The following PCNX3 variants were observed in gnomAD, a reference collection of about 807,000 sequenced individuals.
PCNX3 encodes the protein pecanex 3, also known as pecanex-like protein 3.
PCNX3 carries 58 observed loss-of-function variants against 207.2 expected under a neutral mutation model. That is an observed-to-expected ratio of 0.28 (90% CI 0.23 to 0.35). The LOEUF (loss-of-function observed/expected upper bound fraction) is 0.35, where lower values mean the gene tolerates loss of function less well. Among genes scored for constraint, PCNX3 ranks in the 10% least tolerant of loss-of-function variants. PCNX3 has a pLI of 1.00. For missense variants in PCNX3, 2,410 were observed against 2,774.4 expected (o/e 0.87, Z 2.95); for synonymous variants, 1,337 against 1,183.5 (o/e 1.13, Z -2.66).
chr11:65,620,780 C>G (rs1233958024), intron 9 of PCNX3, 51 bp from the exon 10 acceptor site: 1 of 1,571,840 alleles, frequency 6.4e-7, no homozygotes, highest in East Asian at 2.4e-5. Flanking sequence ...CGACCCCACC[C>G]AGCCCCAGGG....
Position 65,619,646 on chromosome 11 carries a change from G to A in PCNX3, c.1815G>A (p.Met605Ile). ...ACCCCACCCCTCCAGCCTCTGTCAT[G>A]GGCTCGCCGCCCAGGTGAGCACCTT... ...GSNPTPPASV[M>I]GSPPSSLQEA... Residue 605 changes from methionine (M) to isoleucine (I), a missense_variant, in exon 7 of 35, where the codon ATG becomes ATA. By Grantham distance (10) the Met-to-Ile change is conservative (BLOSUM62 1). This residue lies in a region of PCNX3 where 1,104 missense variants were observed against 970.3 expected (regional missense o/e 1.14). Coordinates refer to ENST00000355703, the MANE Select transcript of PCNX3 (RefSeq NM_032223.4). The A allele has an allele frequency of 6.3e-7, 1 of 1,599,642 alleles. No individual in the cohort carries two copies.
At chr11:65,628,764 G>T (rs1029064306) in intron 23 of PCNX3, 55 bp from the exon 24 acceptor site, 8 of 1,600,988 alleles carry the variant, frequency 5.0e-6, no homozygotes, top group South Asian at 1.1e-5. Context: ...GGCAGTGGGG[G>T]GTGGTGGGGG....
chr11:65,622,268 G>A lies in PCNX3; in HGVS notation c.2259G>A (p.Ala753=), dbSNP rs375228648. ...IPEEQTLMEE[A]PPRAQHSYKY... is the part of the protein sequence containing the mutation. Reference sequence around the variant, plus strand: ...AGGAGCAGACACTGATGGAAGAAGCGCCACCCCGGGCCCAGCATAGTTACA... The same window carrying A: ...AGGAGCAGACACTGATGGAAGAAGCACCACCCCGGGCCCAGCATAGTTACA... Residue 753 remains alanine, a synonymous_variant, in exon 11 of 35, where the codon GCG becomes GCA. Transcript: ENST00000355703. The A allele has an allele frequency of 5.1e-5, 82 of 1,602,020 alleles. No individual in the cohort carries two copies. The highest frequency in any genetic ancestry group is 3.7e-4 in the African/African-American group (28 of 74,724).
Position 65,630,452 on chromosome 11 carries a change from TCCTTCAATGCTG to T in PCNX3, c.4323_4334del (p.Asn1442_Phe1445del). ...ACCTGGCCACCTGCCACGGGTCCTG[TCCTTCAATGCTG>T]CCTTTGGGCAGCGCTGGCTGGCTTG... On this transcript the variant is annotated inframe_deletion, in exon 27 of 35. Coordinates refer to ENST00000355703, the MANE Select transcript of PCNX3 (RefSeq NM_032223.4). 6.2e-7 allele frequency: 1 copy of T among 1,613,658 alleles called. No homozygotes were observed. Among genetic ancestry groups the T allele is most frequent in the Non-Finnish European group, 8.5e-7 (1 of 1,179,894 alleles).
At chr11:65,632,456 G>A (rs539664363) in intron 27 of PCNX3, among the ~76,000 whole-genome samples, 2 of 149,888 alleles carry the variant, frequency 1.3e-5, no homozygotes, top group East Asian at 4.0e-4. Context: ...GAGTTACTGG[G>A]CTCTCAGACC....
In PCNX3 at chr11:65,618,675, C is replaced by T. The variant is rs766222339; in HGVS notation, c.1313C>T (p.Ser438Leu). ...SELSPASSLR[S>L]QRRYSTDSSS... ...CTGAGCCCGGCCTCCAGTCTCCGATCGCAGCGCCGCTACAGTACTGACAGC... is the reference window on the plus strand; with the variant it reads ...CTGAGCCCGGCCTCCAGTCTCCGATTGCAGCGCCGCTACAGTACTGACAGC... The change falls in exon 6 of 35, where the codon TCG becomes TTG. Residue 438 changes from serine (S) to leucine (L), a missense_variant. Around this residue, in one of 8 missense-constraint regions of PCNX3, gnomAD observed 1,104 missense variants for 970.3 expected, o/e 1.14. Coordinates refer to ENST00000355703, the MANE Select transcript of PCNX3 (RefSeq NM_032223.4). 2.5e-5 allele frequency: 40 copies of T among 1,613,336 alleles called. No homozygotes were observed. The highest frequency in any genetic ancestry group is 1.6e-4 in the Middle Eastern group (1 of 6,062).
chr11:65,624,777 C>A, intron 15 of PCNX3, 148 bp from the exon 16 acceptor site: 2 of 951,498 alleles, frequency 2.1e-6, no homozygotes, highest in Non-Finnish European at 3.1e-6. Context: ...GCTCTAAAGG[C>A]CGCTTGGGGC....
chr11:65,618,634 T>C lies in PCNX3; in HGVS notation c.1272T>C (p.Thr424=), dbSNP rs373258038. 4 of 1,612,910 alleles carry C rather than the reference T, an allele frequency of 2.5e-6. No individual in the cohort carries two copies. Among genetic ancestry groups the C allele is most frequent in the Non-Finnish European group, 2.5e-6 (3 of 1,179,804 alleles). The change falls in exon 6 of 35, where the codon ACT becomes ACC. Residue 424 remains threonine, a synonymous_variant. Transcript: ENST00000355703. ...GGGGCTTCTTTGAGGATGAAGACACTAGTGAGGGCAGTGAACTGAGCCCGG... is the reference window on the plus strand; with the variant it reads ...GGGGCTTCTTTGAGGATGAAGACACCAGTGAGGGCAGTGAACTGAGCCCGG... ...EGGGFFEDED[T]SEGSELSPAS...
chr11:65,618,623 G>T lies in PCNX3; in HGVS notation c.1261G>T (p.Asp421Tyr), dbSNP rs1165193784. ...PLLEGGGFFE[D>Y]EDTSEGSELS... is the part of the protein sequence containing the mutation. The stretch of plus-strand genomic sequence containing the variant: ...GCTTGAAGGTGGGGGCTTCTTTGAG[G>T]ATGAAGACACTAGTGAGGGCAGTGA... Residue 421 changes from aspartate to tyrosine, a missense_variant, in exon 6 of 35, where the codon GAT becomes TAT. Coordinates refer to ENST00000355703, the MANE Select transcript of PCNX3 (RefSeq NM_032223.4). 1 of 1,612,838 alleles carries T rather than the reference G, an allele frequency of 6.2e-7. No individual in the cohort carries two copies.
Position 65,631,337 on chromosome 11 carries a change from T to C in PCNX3, c.4470+733T>C, listed in dbSNP as rs568140102. 4.6e-5 allele frequency among the ~76,000 whole-genome samples: 7 copies of C among 152,272 alleles called. No individual in the cohort carries two copies. The South Asian group carries it at 1.5e-3, about 32-fold the overall frequency. On this transcript the variant is annotated intron_variant, in intron 27 of 34. Transcript: ENST00000355703. ...AGCTTACCCCTTGAGAAGTGGGGGT[T>C]ATTGCAGTTCTCTGAGATGGCAGAA...
In PCNX3 at chr11:65,619,418, G is replaced by A; in HGVS notation, c.1706-119G>A. 4 of 1,468,968 alleles carry A rather than the reference G, an allele frequency of 2.7e-6. No homozygotes were observed. In the South Asian group the frequency reaches 5.4e-5, roughly 20 times the overall value. The allele number at this position is 1,468,968 out of a possible 1,614,324, so 91.0% of individuals were successfully genotyped here. A position where few individuals can be genotyped will look rare whatever the true frequency, so the allele number is the denominator to read the frequency against. The stretch of plus-strand genomic sequence containing the variant: ...GGCTGTGTGACCTGGCTGGGCCTCA[G>A]AGCCGGGGCGTGGTTGTACTAGGCC... On this transcript the variant is annotated intron_variant, in intron 6 of 34. Transcript: ENST00000355703.
Position 65,617,622 on chromosome 11 carries a change from C to A in PCNX3, c.493C>A (p.Leu165Met). ...GGCCATGGTTGCAGACATCAAGGAG[C>A]TGGTGCGGGAGCAGGGCAGCAACAA... ...DSGPLRDIKE[L>M]VREQGSNNVI... Residue 165 changes from leucine to methionine, a missense_variant, in exon 5 of 35, where the codon CTG becomes ATG. Physicochemically the swap from Leu to Met is conservative, Grantham distance 15 (BLOSUM62 2). This residue lies in a region of PCNX3 where 1,104 missense variants were observed against 970.3 expected (regional missense o/e 1.14). Coordinates refer to ENST00000355703, the MANE Select transcript of PCNX3 (RefSeq NM_032223.4). 1.2e-6 allele frequency: 2 copies of A among 1,610,720 alleles called. No homozygotes were observed. Among genetic ancestry groups the A allele is most frequent in the Non-Finnish European group, 1.7e-6 (2 of 1,178,436 alleles).
rs1319852620 is a variant in PCNX3 at position 65,617,690 on chromosome 11, C to G, written c.561C>G (p.Ser187Arg). 1.5e-5 allele frequency: 23 copies of G among 1,570,262 alleles called. No homozygotes were observed. Among genetic ancestry groups the G allele is most frequent in the Non-Finnish European group, 2.0e-5 (23 of 1,157,696 alleles). ...CCGACCGAGAGATGCTGAAGCTCAG[C>G]TCGCAGGAGAAACTGAGTGCGTGGG... ...TSADREMLKL[S>R]SQEKLIGDLP... The change falls in exon 5 of 35, where the codon AGC (serine) becomes AGG (arginine). Residue 187 changes from serine to arginine, a missense_variant. Coordinates refer to ENST00000355703, the MANE Select transcript of PCNX3 (RefSeq NM_032223.4).
intron 29 of PCNX3, 56 bp downstream of exon 29, chr11:65,634,697 C>G: frequency 2.1e-6 from 3 of 1,454,418 alleles, no homozygotes; most frequent in Non-Finnish European, 2.8e-6. Flanking sequence ...ACCTCTTCCA[C>G]GAAGAGCACT....
In PCNX3 at chr11:65,625,443, A is replaced by T; in HGVS notation, c.3068A>T (p.Glu1023Val). The change falls in exon 18 of 35, where the codon GAG (glutamate) becomes GTG (valine). Residue 1023 changes from glutamate (E) to valine (V), a missense_variant. Around this residue, in one of 8 missense-constraint regions of PCNX3, gnomAD observed 333 missense variants for 386.8 expected, o/e 0.86. Coordinates refer to ENST00000355703, the MANE Select transcript of PCNX3 (RefSeq NM_032223.4). The surrounding 1 kb of genome is among the most constrained non-coding windows in gnomAD (Gnocchi z 5.6). ...AGCAAGCTGTTCCCTGAGCTGGAGG[A>T]GCGCAGCTTGGAGACAGCCCGGGCC... ...IRSKLFPELEERSLETARAEP... is the reference protein window; with the variant it reads ...IRSKLFPELEVRSLETARAEP... 1 of 1,601,900 alleles carries T rather than the reference A, an allele frequency of 6.2e-7. No homozygotes were observed. Among genetic ancestry groups the T allele is most frequent in the Non-Finnish European group, 8.5e-7 (1 of 1,177,886 alleles).
At position 65,617,755 on chromosome 11, in the gene PCNX3, C is replaced by G. The variant is rs757396463; in HGVS notation, c.577+49C>G. 9 of 1,540,218 alleles carry G rather than the reference C, an allele frequency of 5.8e-6. No individual in the cohort carries two copies. In the African/African-American group the frequency reaches 9.6e-5, roughly 16 times the overall value. On this transcript the variant is annotated intron_variant, in intron 5 of 34. Coordinates refer to ENST00000355703, the MANE Select transcript of PCNX3 (RefSeq NM_032223.4). ...GGCTTGTGGGCTAGACCAGCTGTTT[C>G]GTTGTTGAATCCCCTCAACTTTGGC...
chr11:65,622,888 T>C (rs965948514), intron 11 of PCNX3, among the ~76,000 whole-genome samples: 2 of 152,272 alleles, frequency 1.3e-5, no homozygotes, highest in Admixed American at 6.5e-5. Context: ...AGGCGTGAGC[T>C]ACCGCGCCCG....
intron 22 of PCNX3, among the ~76,000 whole-genome samples, chr11:65,627,849 C>T (rs551242176): frequency 6.6e-6 from 1 of 152,292 alleles, no homozygotes; most frequent in South Asian, 2.1e-4. Flanking sequence ...GACCCCACGA[C>T]CACCTCCTCA....
At chr11:65,619,464 C>G (rs1052123359) in intron 6 of PCNX3, 73 bp from the exon 7 acceptor site, 52 of 1,562,186 alleles carry the variant, frequency 3.3e-5, no homozygotes, top group Non-Finnish European at 4.1e-5. Context: ...TGGCGGAACA[C>G]CGTCCCCAAC....
Sources: gnomAD v4.1 joint callset for allele counts (sites outside exome capture counted in the v4.1 genomes callset) on GRCh38, gnomAD v4.1.1 for gene constraint, gnomAD v4.1.1 regional missense constraint, Gnocchi (gnomAD v3.1) non-coding constraint, MANE v1.5 for transcripts, NCBI Gene and HGNC (gene_info 2026-07-23, HGNC 2026-07-21) for gene names.